Variants in SOX5 observed in about 807,000 individuals in gnomAD.
SOX5 encodes the protein transcription factor SOX-5.
A neutral mutation model predicts 92.0 loss-of-function variants in SOX5; 9 were observed. The observed-to-expected ratio is 0.10, with a 90% CI of 0.06 to 0.17. The LOEUF is 0.17. Among genes scored for constraint, SOX5 ranks in the 10% least tolerant of loss-of-function variants. SOX5 has a pLI of 1.00. For missense variants in SOX5, 642 were observed against 944.5 expected (o/e 0.68, Z 4.20); for synonymous variants, 344 against 336.3 (o/e 1.02, Z -0.25).
intron 7 of SOX5, among the ~76,000 whole-genome samples, chr12:23,665,144 T>G (rs2083594316): frequency 1.3e-5 from 2 of 152,172 alleles, no homozygotes; most frequent in Non-Finnish European, 2.9e-5. Flanking sequence ...GTAAAAAGCA[T>G]ACTCCTATGT....
At chr12:24,260,308 C>T (rs779361788) in intron 3 of SOX5, among the ~76,000 whole-genome samples, 2 of 152,166 alleles carry the variant, frequency 1.3e-5, no homozygotes. Flanking sequence ...ATAGAGATCT[C>T]GTTTCCACTA....
chr12:24,349,249 T>C (rs1953748540), intron 2 of SOX5, among the ~76,000 whole-genome samples: 1 of 152,224 alleles, frequency 6.6e-6, no homozygotes. Flanking sequence ...CCTCTGTCTG[T>C]ACTTCCTTTA....
At chr12:24,036,120 T>A (rs2136930815) in intron 4 of SOX5, among the ~76,000 whole-genome samples, 1 of 152,218 alleles carries the variant, frequency 6.6e-6, no homozygotes, top group Non-Finnish European at 1.5e-5. Flanking sequence ...AAAATGCCAA[T>A]ATAATTGGCA....
chr12:24,270,687 C>G (rs529537953), intron 3 of SOX5, among the ~76,000 whole-genome samples: 18 of 152,264 alleles, frequency 1.2e-4, no homozygotes, highest in African/African-American at 4.3e-4. Flanking sequence ...TTTCCTCATT[C>G]GTAGATATCA....
At chr12:24,046,607 G>A (rs1957049592) in intron 4 of SOX5, among the ~76,000 whole-genome samples, 1 of 149,026 alleles carries the variant, frequency 6.7e-6, no homozygotes, top group African/African-American at 2.5e-5. Flanking sequence ...TTATGAAAAA[G>A]TAAAACAAAA....
chr12:24,234,145 G>A (rs1963981545), intron 3 of SOX5, among the ~76,000 whole-genome samples: 1 of 152,156 alleles, frequency 6.6e-6, no homozygotes, highest in Admixed American at 6.5e-5. Flanking sequence ...TTTAGTATCA[G>A]TTGAAAGGGT....
At chr12:23,765,094 A>T (rs910073647) in intron 3 of SOX5, among the ~76,000 whole-genome samples, 1 of 151,932 alleles carries the variant, frequency 6.6e-6, no homozygotes, top group Non-Finnish European at 1.5e-5. Flanking sequence ...AATTTAAAAA[A>T]CCCTCTGATT....
Position 24,250,666 on chromosome 12 carries a change from T to G in SOX5, c.-77+26550A>C, listed in dbSNP as rs559175078. Among the ~76,000 whole-genome samples, 6 of 152,388 alleles carry G rather than the reference T, an allele frequency of 3.9e-5. No individual in the cohort carries two copies. In the East Asian group the frequency reaches 9.6e-4, roughly 24 times the overall value. On this transcript the variant is annotated intron_variant, in intron 3 of 4. Coordinates refer to the SOX5 transcript ENST00000446891. The stretch of plus-strand genomic sequence containing the variant: ...AGTTTTTCAAAACTCTATTTTTATT[T>G]AACTTTTAAAACATTTTGCCTAGTA...
chr12:23,612,297 G>A (rs2137784371), intron 8 of SOX5, among the ~76,000 whole-genome samples: 1 of 152,158 alleles, frequency 6.6e-6, no homozygotes, highest in Non-Finnish European at 1.5e-5. Context: ...TATAATCCAA[G>A]TCAGGTCATT....
chr12:24,421,322 T>C (rs1965875424), intron 1 of SOX5, among the ~76,000 whole-genome samples: 1 of 152,094 alleles, frequency 6.6e-6, no homozygotes, highest in African/African-American at 2.4e-5. Context: ...TTCATTATAA[T>C]ATGCAATATA....
chr12:23,649,953 T>C (rs937337479), intron 7 of SOX5, among the ~76,000 whole-genome samples: 1 of 152,138 alleles, frequency 6.6e-6, no homozygotes, highest in Non-Finnish European at 1.5e-5. Context: ...TTGGACAGTT[T>C]TATGGCATTA....
intron 1 of SOX5, among the ~76,000 whole-genome samples, chr12:23,946,780 T>C: frequency 6.6e-6 from 1 of 151,982 alleles, no homozygotes. Flanking sequence ...CCCATTTGCT[T>C]CCCACCTTGG....
chr12:24,519,070 T>C (rs956561630), intron 1 of SOX5, among the ~76,000 whole-genome samples: 5 of 152,150 alleles, frequency 3.3e-5, no homozygotes, highest in South Asian at 2.1e-4. Context: ...TAGAAAATAA[T>C]GCAGAGCTGA....
In SOX5 at chr12:23,888,906, C is replaced by G. The variant is rs140461564; in HGVS notation, c.270+6887G>C. ...TTGTTTCAATTGAATTAGCCTTGTTCAGATAAGCAAGCCTATCTCCTACAG... is the reference window on the plus strand; with the variant it reads ...TTGTTTCAATTGAATTAGCCTTGTTGAGATAAGCAAGCCTATCTCCTACAG... On this transcript the variant is annotated intron_variant, in intron 2 of 14. Transcript: ENST00000451604. Among the ~76,000 whole-genome samples the G allele has an allele frequency of 5.2e-3, 788 of 152,286 alleles. 4 individuals are homozygous for G. The highest frequency in any genetic ancestry group is 8.4e-3 in the Non-Finnish European group (569 of 68,020).
At position 23,618,195 on chromosome 12, in the gene SOX5, G is replaced by A. The variant is rs1338386733; in HGVS notation, c.1018-13662C>T. 3.3e-5 allele frequency among the ~76,000 whole-genome samples: 5 copies of A among 152,056 alleles called. No individual in the cohort carries two copies. In the East Asian group the frequency reaches 9.6e-4, roughly 29 times the overall value. On this transcript the variant is annotated intron_variant, in intron 8 of 14. Coordinates refer to ENST00000451604, the MANE Select transcript of SOX5 (RefSeq NM_006940.6). ...TATATCTTTAATTAGTTTAATTTAG[G>A]GAAAAATATTGCTGAAATTCCCTTC... is the stretch of plus-strand genomic sequence containing the variant.
chr12:23,555,604 A>T (rs1945021951), intron 11 of SOX5, among the ~76,000 whole-genome samples: 1 of 152,224 alleles, frequency 6.6e-6, no homozygotes, highest in African/African-American at 2.4e-5. Context: ...AACTGAAAGC[A>T]GGCTATACTA....
chr12:24,342,632 T>C (rs1461671863), intron 2 of SOX5, among the ~76,000 whole-genome samples: 1 of 152,186 alleles, frequency 6.6e-6, no homozygotes, highest in Non-Finnish European at 1.5e-5. Context: ...TTATTATCTA[T>C]TCCTCCTGCC....
intron 6 of SOX5, among the ~76,000 whole-genome samples, chr12:23,722,709 C>T (rs1040718074): frequency 7.2e-5 from 11 of 152,242 alleles, no homozygotes; most frequent in African/African-American, 2.6e-4. Flanking sequence ...TCTTTTAGTG[C>T]TCCTGAGTCT....
chr12:24,194,903 A>G (rs2139452908), intron 4 of SOX5, among the ~76,000 whole-genome samples: 1 of 152,324 alleles, frequency 6.6e-6, no homozygotes, highest in Non-Finnish European at 1.5e-5. Flanking sequence ...CAATACAATT[A>G]TCTTTTGGAA....
Sources: gnomAD v4.1 joint callset for allele counts (sites outside exome capture counted in the v4.1 genomes callset) on GRCh38, gnomAD v4.1.1 for gene constraint, MANE v1.5 for transcripts, NCBI Gene and HGNC (gene_info 2026-07-23, HGNC 2026-07-21) for gene names.